The following WDR76 variants were observed in gnomAD, a reference collection of about 807,000 sequenced individuals.
WDR76 encodes the protein WD repeat-containing protein 76.
WDR76 carries 52 observed loss-of-function variants against 70.2 expected under a neutral mutation model. The observed-to-expected ratio is 0.74, with a 90% confidence interval of 0.59 to 0.93. The LOEUF is 0.93. Ranked by LOEUF, WDR76 falls within the 40% of genes least tolerant of loss-of-function variation. The probability of loss-of-function intolerance (pLI) is 0.00; values close to 1 mark genes in which losing one functional copy is unlikely to be tolerated. For synonymous variants in WDR76, 292 were observed against 271.1 expected (o/e 1.08, Z -0.76); for missense variants, 756 against 760.2 (o/e 0.99, Z 0.07).
At chr15:43,829,739 C>G (rs912229709) in intron 2 of WDR76, among the ~76,000 whole-genome samples, 1 of 151,918 alleles carries the variant, frequency 6.6e-6, no homozygotes, top group Non-Finnish European at 1.5e-5. Flanking sequence ...ATCTCCTGAC[C>G]TCATGATCCG....
At chr15:43,863,048 G>C (rs567878223) in intron 12 of WDR76, among the ~76,000 whole-genome samples, 1 of 152,232 alleles carries the variant, frequency 6.6e-6, no homozygotes, top group Admixed American at 6.5e-5. Flanking sequence ...CGATTCTCCT[G>C]CCTCAACCTC....
At chr15:43,852,752 T>A (rs1027760168) in intron 9 of WDR76, among the ~76,000 whole-genome samples, 2 of 152,228 alleles carry the variant, frequency 1.3e-5, no homozygotes, top group African/African-American at 4.8e-5. Context: ...ACAAAATGTA[T>A]TCAAAGTTCA....
chr15:43,842,296 C>T, intron 5 of WDR76, 119 bp from the exon 6 acceptor site: 2 of 756,212 alleles, frequency 2.6e-6, no homozygotes, highest in Non-Finnish European at 4.4e-6. Context: ...TGATATGCCA[C>T]CATTACTGTT....
chr15:43,835,056 T>C lies in WDR76; in HGVS notation c.463-5T>C. On this transcript the variant is annotated splice_region_variant and splice_polypyrimidine_tract_variant and intron_variant, in intron 2 of 12. Transcript: ENST00000263795. ...TAATGGAATCTTTTTGGTGTAATTT[T>C]ATAGGATTTTTCGGGATTGTCACCC... 1 of 1,613,346 alleles carries C rather than the reference T, an allele frequency of 6.2e-7. No homozygotes were observed. The highest frequency in any genetic ancestry group is 1.1e-5 in the South Asian group (1 of 91,048).
chr15:43,842,499 T>C lies in WDR76; in HGVS notation c.817T>C (p.Trp273Arg), dbSNP rs778295157. 3 of 1,613,946 alleles carry C rather than the reference T, an allele frequency of 1.9e-6. No homozygotes were observed. Among genetic ancestry groups the C allele is most frequent in the Non-Finnish European group, 2.5e-6 (3 of 1,179,916 alleles). Residue 273 changes from tryptophan to arginine, a missense_variant, in exon 6 of 13, where the codon TGG becomes CGG. Transcript: ENST00000263795. The part of the protein sequence containing the change: ...NERFKGFLHT[W>R]AGMSKPSSKN... ...ACGATTTAAAGGATTTCTGCACACA[T>C]GGGCAGGAATGAGCAAGGTATCACT...
chr15:43,841,671 C>T (rs1280565733), intron 5 of WDR76, among the ~76,000 whole-genome samples: 1 of 152,040 alleles, frequency 6.6e-6, no homozygotes, highest in Admixed American at 6.6e-5. Context: ...TTCACTACAA[C>T]AAATTGCTAG....
In WDR76 at chr15:43,866,218, C is replaced by T. The variant is rs765730441; in HGVS notation, c.1707C>T (p.Ala569=). The change falls in exon 13 of 13, where the codon GCC becomes GCT. Residue 569 remains alanine (A), a synonymous_variant. Transcript: ENST00000263795. The stretch of plus-strand genomic sequence containing the variant: ...ACTGTGTCATAGTTGGCAGCATGGC[C>T]CATCCACGACGGGTAGAAATCTTCC... ...QEDCVIVGSM[A]HPRRVEIFHE... 2.0e-5 allele frequency: 32 copies of T among 1,614,022 alleles called. No homozygotes were observed. The highest frequency in any genetic ancestry group is 1.2e-5 in the Non-Finnish European group (14 of 1,180,032).
intron 12 of WDR76, chr15:43,863,862 C>A (rs1051833047): frequency 6.6e-6 from 1 of 152,214 alleles, no homozygotes; most frequent in Non-Finnish European, 1.5e-5. Flanking sequence ...CCCGGCCTTA[C>A]AACTTTGTTA....
At chr15:43,836,798 G>A (rs761279778) in intron 4 of WDR76, among the ~76,000 whole-genome samples, 1 of 151,656 alleles carries the variant, frequency 6.6e-6, no homozygotes, top group East Asian at 1.9e-4. Flanking sequence ...TTGGGAGGTT[G>A]AGTCAGGGGG....
At chr15:43,841,200 T>A (rs1463420764) in intron 5 of WDR76, among the ~76,000 whole-genome samples, 1 of 142,294 alleles carries the variant, frequency 7.0e-6, no homozygotes, top group African/African-American at 2.8e-5. Context: ...TTTGTTTTTT[T>A]GTTTTTTTTT....
At chr15:43,840,448 TAATA>T (rs2087710578) in intron 5 of WDR76, among the ~76,000 whole-genome samples, 1 of 152,178 alleles carries the variant, frequency 6.6e-6, no homozygotes, top group African/African-American at 2.4e-5. Flanking sequence ...TTATTAATGT[TAATA>T]AATACGTGAT....
intron 3 of WDR76, 139 bp from the exon 4 acceptor site, chr15:43,836,022 C>A: frequency 1.6e-6 from 1 of 630,868 alleles, no homozygotes; most frequent in Non-Finnish European, 2.4e-6. Context: ...TGGCGCTGAT[C>A]ATGACTCATG....
intron 8 of WDR76, among the ~76,000 whole-genome samples, chr15:43,844,893 A>C (rs1317385225): frequency 9.8e-6 from 1 of 102,086 alleles, no homozygotes; most frequent in African/African-American, 3.7e-5. Flanking sequence ...GCACCACTGC[A>C]CTCCAGCCTG....
At chr15:43,861,941 A>C (rs1397607277) in intron 12 of WDR76, among the ~76,000 whole-genome samples, 4 of 144,846 alleles carry the variant, frequency 2.8e-5, no homozygotes, top group African/African-American at 1.0e-4. Context: ...GGTTCAAGCT[A>C]TTCTCCTGCC....
chr15:43,842,493 C>T lies in WDR76; in HGVS notation c.811C>T (p.His271Tyr). 1 of 1,614,006 alleles carries T rather than the reference C, an allele frequency of 6.2e-7. No homozygotes were observed. Among genetic ancestry groups the T allele is most frequent in the East Asian group, 2.2e-5 (1 of 44,854 alleles). The change falls in exon 6 of 13, where the codon CAC becomes TAC. Residue 271 changes from histidine (H) to tyrosine (Y), a missense_variant. By Grantham distance (83) the His-to-Tyr change is moderately conservative. Coordinates refer to ENST00000263795, the MANE Select transcript of WDR76 (RefSeq NM_024908.4). ...DNNERFKGFL[H>Y]TWAGMSKPSS... is the part of the protein sequence containing the mutation. ...CAATGAACGATTTAAAGGATTTCTG[C>T]ACACATGGGCAGGAATGAGCAAGGT...
intron 7 of WDR76, 104 bp downstream of exon 7, chr15:43,842,775 C>T (rs2087741825): frequency 2.8e-6 from 3 of 1,063,216 alleles, no homozygotes; most frequent in Non-Finnish European, 4.1e-6. Flanking sequence ...GAAATGTTTC[C>T]ACCCTAACAA....
At chr15:43,844,962 T>A (rs1324822423) in intron 8 of WDR76, among the ~76,000 whole-genome samples, 2 of 121,014 alleles carry the variant, frequency 1.7e-5, no homozygotes, top group Non-Finnish European at 3.5e-5. Context: ...AAGATCAAAG[T>A]TTAGTTTTCT....
At chr15:43,828,444 G>T (rs1045820224) in intron 2 of WDR76, 78 bp downstream of exon 2, 1 of 1,341,932 alleles carries the variant, frequency 7.5e-7, no homozygotes. Flanking sequence ...GTTTTTCGAG[G>T]ATCTCTCTGG....
rs115939295 is a variant in WDR76, at chr15:43,855,456, A to C, written c.1192-1490A>C. ...TTGAGTATGCCAAGTTTTCATTTGTATATATTGGTCTTTTTGTGGGGTGTG... is the reference window on the plus strand; with the variant it reads ...TTGAGTATGCCAAGTTTTCATTTGTCTATATTGGTCTTTTTGTGGGGTGTG... On this transcript the variant is annotated intron_variant, in intron 9 of 12. Transcript: ENST00000263795. Among the ~76,000 whole-genome samples the C allele has an allele frequency of 6.6e-3, 1,004 of 152,252 alleles. 11 individuals are homozygous for C. The highest frequency in any genetic ancestry group is 0.023 in the African/African-American group (953 of 41,550).
Sources: allele counts gnomAD v4.1 joint callset (sites outside exome capture counted in the v4.1 genomes callset), GRCh38; gene constraint gnomAD v4.1.1; transcripts MANE v1.5; gene names NCBI Gene and HGNC (gene_info 2026-07-23, HGNC 2026-07-21).